Variants in HYDIN observed in about 807,000 individuals in gnomAD.
The protein encoded by HYDIN is HYDIN axonemal central pair apparatus protein.
Under a neutral mutation model 403.9 loss-of-function variants are expected in HYDIN, and 132 were observed. The observed-to-expected ratio is 0.33, with a 90% CI of 0.28 to 0.38. The LOEUF is 0.38. HYDIN is among the 10% of genes least tolerant of loss of function. The probability of loss-of-function intolerance (pLI) is 1.00; values close to 1 mark genes in which losing one functional copy is unlikely to be tolerated. For synonymous variants in HYDIN, 1,202 were observed against 1,891.7 expected (o/e 0.64, Z 9.46); for missense variants, 2,827 against 5,009.5 (o/e 0.56, Z 13.15).
chr16:71,100,374 A>C (rs118108478), intron 10 of HYDIN, among the ~76,000 whole-genome samples: 5,688 of 152,268 alleles, frequency 0.037, 190 homozygotes, highest in East Asian at 0.18. Context: ...CAGCAGGTAG[A>C]ATTTGGTGGA....
chr16:71,025,930 T>C (rs1009142700), intron 20 of HYDIN, among the ~76,000 whole-genome samples: 9 of 151,850 alleles, frequency 5.9e-5, no homozygotes, highest in African/African-American at 1.9e-4. Context: ...AGATGGAGTT[T>C]GCTCTTGTCG....
rs763810847 is a variant in HYDIN, at chr16:71,186,902, T to C, written c.-7A>G. ...CAAGTCTTCTACTTGTCATTTTTAG[T>C]AATTTTTTTTTCTCACCTAAGAGTG... On this transcript the variant is annotated 5_prime_UTR_variant, in exon 2 of 86. Coordinates refer to ENST00000393567, the MANE Select transcript of HYDIN (RefSeq NM_001270974.2). The C allele has an allele frequency of 3.7e-6, 6 of 1,607,160 alleles. No individual in the cohort carries two copies. In the East Asian group the frequency reaches 6.7e-5, roughly 18 times the overall value.
chr16:71,071,244 C>G (rs957349886), intron 13 of HYDIN, among the ~76,000 whole-genome samples: 3 of 146,490 alleles, frequency 2.0e-5, no homozygotes, highest in African/African-American at 7.6e-5. Flanking sequence ...CAGAATAAAG[C>G]CAATTATGAC....
At chr16:70,836,947 C>T (rs1037877291) in intron 77 of HYDIN, among the ~76,000 whole-genome samples, 8 of 152,236 alleles carry the variant, frequency 5.3e-5, no homozygotes, top group Non-Finnish European at 8.8e-5. Flanking sequence ...CTGGTAATGT[C>T]CTGTTGCTCC....
intron 50 of HYDIN, among the ~76,000 whole-genome samples, chr16:70,906,260 T>C (rs570467891): frequency 0.031 from 4,767 of 152,088 alleles, 216 homozygotes; most frequent in African/African-American, 0.11. Flanking sequence ...TCTCCTACTT[T>C]CCACAAAAAC....
At chr16:71,225,856 C>A (rs1331827512) in intron 1 of HYDIN, among the ~76,000 whole-genome samples, 1 of 152,032 alleles carries the variant, frequency 6.6e-6, no homozygotes, top group African/African-American at 2.4e-5. Flanking sequence ...ACAGAGCTAA[C>A]AAAACATGTG....
intron 1 of HYDIN, among the ~76,000 whole-genome samples, chr16:71,200,231 A>G (rs1447998706): frequency 6.6e-6 from 1 of 152,252 alleles, no homozygotes; most frequent in East Asian, 1.9e-4. Context: ...GGCAACCAGC[A>G]GCCCTCGGGG....
At chr16:71,133,303 C>G (rs2084786667) in intron 8 of HYDIN, 1 of 456,344 alleles carries the variant, frequency 2.2e-6, no homozygotes. Context: ...GAAAATGGAT[C>G]ATGTGACTCT....
chr16:70,834,882 G>GTC (rs1567677313), intron 78 of HYDIN, among the ~76,000 whole-genome samples: 1 of 148,508 alleles, frequency 6.7e-6, no homozygotes, highest in Non-Finnish European at 1.5e-5. Flanking sequence ...ATATGTGTGT[G>GTC]TGTGTGTGTA....
At chr16:71,175,914 C>T in intron 4 of HYDIN, 173 bp from the exon 5 acceptor site, 1 of 687,140 alleles carries the variant, frequency 1.5e-6, no homozygotes, top group Non-Finnish European at 2.6e-6. Context: ...ACAAAGTAAG[C>T]ACCCAATACC....
intron 36 of HYDIN, among the ~76,000 whole-genome samples, chr16:70,968,916 T>TA (rs1180253862): frequency 2.7e-5 from 4 of 150,126 alleles, no homozygotes; most frequent in Non-Finnish European, 5.9e-5. Flanking sequence ...TTGAAGCAAA[T>TA]AAAAAAAAGA....
intron 73 of HYDIN, among the ~76,000 whole-genome samples, chr16:70,853,749 G>C (rs2038824042): frequency 7.0e-6 from 1 of 141,874 alleles, no homozygotes; most frequent in Non-Finnish European, 1.5e-5. Flanking sequence ...GAATCCTGCG[G>C]CAAGGGATCT....
intron 84 of HYDIN, among the ~76,000 whole-genome samples, chr16:70,816,308 T>C (rs2035837230): frequency 6.6e-6 from 1 of 152,178 alleles, no homozygotes; most frequent in South Asian, 2.1e-4. Flanking sequence ...AATCCACATG[T>C]TCAGAAATTA....
intron 10 of HYDIN, among the ~76,000 whole-genome samples, chr16:71,115,246 A>G (rs985839994): frequency 9.9e-5 from 15 of 152,070 alleles, no homozygotes; most frequent in Non-Finnish European, 1.5e-4. Flanking sequence ...ATGGTTTTAT[A>G]AGGGGCTCTT....
chr16:71,198,365 G>A (rs2087810249), intron 1 of HYDIN, among the ~76,000 whole-genome samples: 1 of 152,182 alleles, frequency 6.6e-6, no homozygotes, highest in Non-Finnish European at 1.5e-5. Flanking sequence ...GGTAATCAGA[G>A]TCTATATCTA....
chr16:70,857,823 T>C lies in HYDIN; in HGVS notation c.12177A>G (p.Ser4059=), dbSNP rs748709280. 5 of 1,611,510 alleles carry C rather than the reference T, an allele frequency of 3.1e-6. No individual in the cohort carries two copies. The highest frequency in any genetic ancestry group is 3.4e-5 in the Admixed American group (2 of 59,634). The change falls in exon 72 of 86, where the codon TCA becomes TCG. Residue 4059 remains serine (S), a synonymous_variant. Transcript: ENST00000393567. ...TPFHLGITES[S]WTFLIPEHNI... The stretch of plus-strand genomic sequence containing the variant: ...TGTGCTCGGGAATTAGGAAGGTCCA[T>C]GATGACTCAGTGATGCCCAGATGGA...
At chr16:71,126,701 A>T (rs1399277187) in intron 9 of HYDIN, among the ~76,000 whole-genome samples, 1 of 152,184 alleles carries the variant, frequency 6.6e-6, no homozygotes, top group Non-Finnish European at 1.5e-5. Context: ...TTTCAGAAGC[A>T]GGAAGAACGG....
intron 10 of HYDIN, among the ~76,000 whole-genome samples, chr16:71,112,466 G>A (rs371461603): frequency 2.7e-5 from 4 of 150,760 alleles, no homozygotes; most frequent in South Asian, 2.1e-4. Flanking sequence ...TATAAAATTA[G>A]ATAGGAGTGA....
chr16:71,081,569 T>G (rs546659971), intron 12 of HYDIN, among the ~76,000 whole-genome samples: 2 of 151,678 alleles, frequency 1.3e-5, no homozygotes, highest in Admixed American at 6.6e-5. Flanking sequence ...TTTAAAAAAT[T>G]TACACAAAGC....
Sources: allele counts gnomAD v4.1 joint callset (sites outside exome capture counted in the v4.1 genomes callset), GRCh38; gene constraint gnomAD v4.1.1; transcripts MANE v1.5; gene names NCBI Gene and HGNC (gene_info 2026-07-23, HGNC 2026-07-21).